FIS1: variants seen among roughly 807,000 people sequenced by gnomAD.
FIS1 encodes the protein fission, mitochondrial 1.
Under a neutral mutation model 21.6 loss-of-function variants are expected in FIS1, and 16 were observed. The observed-to-expected ratio is 0.74, with a 90% CI of 0.50 to 1.12. The LOEUF is 1.12. Among genes scored for constraint, FIS1 ranks in the 50% most tolerant of loss-of-function variants. The pLI is 0.00. For synonymous variants in FIS1, 92 were observed against 82.2 expected (o/e 1.12, Z -0.65); for missense variants, 198 against 190.9 (o/e 1.04, Z -0.22).
chr7:101,240,370 C>T (rs545123499), intron 3 of FIS1, 123 bp from the exon 4 acceptor site: 10 of 866,640 alleles, frequency 1.2e-5, no homozygotes, highest in Non-Finnish European at 1.6e-5. Flanking sequence ...GCAATCACAG[C>T]CCACTGCAAC....
chr7:101,242,550 G>A (rs1158957117), intron 2 of FIS1, among the ~76,000 whole-genome samples: 4 of 147,926 alleles, frequency 2.7e-5, no homozygotes, highest in African/African-American at 5.0e-5. Context: ...GTGCAATGGC[G>A]TGATCTTGGC....
rs937340262 is a variant in FIS1 at position 101,245,068 on chromosome 7, C to T, written c.-64G>A. On this transcript the variant is annotated 5_prime_UTR_variant, in exon 1 of 5. Coordinates refer to ENST00000223136, the MANE Select transcript of FIS1 (RefSeq NM_016068.3). ...TGCCACAGTCTCCATGGCCCAGTGG[C>T]AGGGGCGGAGAACCACTTCCGGCGT... 213 of 1,562,496 alleles carry T rather than the reference C, an allele frequency of 1.4e-4. No homozygotes were observed. Among genetic ancestry groups the T allele is most frequent in the Non-Finnish European group, 1.7e-4 (198 of 1,146,368 alleles).
At position 101,241,114 on chromosome 7, in the gene FIS1, G is replaced by T. The variant is rs572567105; in HGVS notation, c.179-208C>A. On this transcript the variant is annotated intron_variant, in intron 2 of 4. Transcript: ENST00000223136. ...ACCCCAGCTGTGCCAACACCCCAGT[G>T]ACAGAACATGCCTTTTATCAGTATT... 1.6e-3 allele frequency: 932 copies of T among 593,252 alleles called. 1 individual carries two copies. Among genetic ancestry groups the T allele is most frequent in the Middle Eastern group, 4.0e-3 (9 of 2,234 alleles). The allele number at this position is 593,252 out of a possible 1,614,324, so 36.7% of individuals were successfully genotyped here. A position where few individuals can be genotyped will look rare whatever the true frequency, so the allele number is the denominator to read the frequency against.
At chr7:101,244,885 G>C (rs1001709686) in intron 1 of FIS1, 75 bp downstream of exon 1, 2 of 1,576,426 alleles carry the variant, frequency 1.3e-6, no homozygotes, top group Admixed American at 1.7e-5. Context: ...CGGGAGGAGG[G>C]TTCGGCCCCT....
At chr7:101,241,535 A>T (rs1798748387) in intron 2 of FIS1, 2 of 122,944 alleles carry the variant, frequency 1.6e-5, no homozygotes, top group African/African-American at 7.6e-5. Flanking sequence ...TTATTGTTTA[A>T]AAAAAAAAAA....
At chr7:101,240,283 C>G (rs562553616) in intron 3 of FIS1, 36 bp from the exon 4 acceptor site, 21 of 1,596,202 alleles carry the variant, frequency 1.3e-5, no homozygotes, top group Non-Finnish European at 1.7e-5. Flanking sequence ...TCATACACAC[C>G]GCAGTGTTTT....
Position 101,244,949 on chromosome 7 carries a change from C to A in FIS1, c.45+11G>T, listed in dbSNP as rs377443950. ...GACCTTCCCTTTCCCTCTGTCCGGGCCAGGCCTCACCAGCAGGTCCTCCAC... is the reference window on the plus strand; with the variant it reads ...GACCTTCCCTTTCCCTCTGTCCGGGACAGGCCTCACCAGCAGGTCCTCCAC... On this transcript the variant is annotated intron_variant, in intron 1 of 4. Coordinates refer to ENST00000223136, the MANE Select transcript of FIS1 (RefSeq NM_016068.3). 1.3e-5 allele frequency: 21 copies of A among 1,614,070 alleles called. No individual in the cohort carries two copies. The highest frequency in any genetic ancestry group is 2.2e-5 in the South Asian group (2 of 91,084).
chr7:101,244,868 C>T, intron 1 of FIS1, 92 bp downstream of exon 1: 1 of 1,528,304 alleles, frequency 6.5e-7, no homozygotes, highest in Non-Finnish European at 9.0e-7. Context: ...CTCGGCCAAG[C>T]CGATGCCGGG....
Position 101,239,842 on chromosome 7 carries a change from T to G in FIS1, c.423A>C (p.Gly141=). 1 of 1,595,282 alleles carries G rather than the reference T, an allele frequency of 6.3e-7. No homozygotes were observed. Among genetic ancestry groups the G allele is most frequent in the Non-Finnish European group, 8.5e-7 (1 of 1,170,960 alleles). ...ACTTGGACACAGCAAGTCCGATGAGTCCGGCCAGTCCCGCCACACCCAGGG... is the reference window on the plus strand; with the variant it reads ...ACTTGGACACAGCAAGTCCGATGAGGCCGGCCAGTCCCGCCACACCCAGGG... ...GMALGVAGLA[G]LIGLAVSKSK... The change falls in exon 5 of 5, where the codon GGA becomes GGC. Residue 141 remains glycine, a synonymous_variant. Transcript: ENST00000223136.
intron 2 of FIS1, among the ~76,000 whole-genome samples, chr7:101,243,220 ATT>A (rs2116850835): frequency 6.6e-6 from 1 of 152,306 alleles, no homozygotes; most frequent in East Asian, 1.9e-4. Context: ...GTGGTTAAGT[ATT>A]GTGGCCTCTG....
chr7:101,241,233 T>G (rs1798742826), intron 2 of FIS1: 1 of 273,668 alleles, frequency 3.7e-6, no homozygotes, highest in Non-Finnish European at 7.0e-6. Flanking sequence ...GCTGTGGTAT[T>G]TTTTTTCAGA....
intron 2 of FIS1, among the ~76,000 whole-genome samples, chr7:101,242,731 C>T (rs547704049): frequency 1.3e-5 from 2 of 152,224 alleles, no homozygotes; most frequent in East Asian, 3.9e-4. Context: ...TCGTGATCCG[C>T]CTGCCCTGGC....
rs778687437 is a variant in FIS1 at position 101,240,837 on chromosome 7, C to G, written c.248G>C (p.Arg83Pro). 7 of 1,613,888 alleles carry G rather than the reference C, an allele frequency of 4.3e-6. No individual in the cohort carries two copies. In the South Asian group the frequency reaches 7.7e-5, roughly 18 times the overall value. The part of the protein sequence containing the change: ...YVFYLAVGNY[R>P]LKEYEKALKY... ...ACGGGGTCCCCACCTCACCTTGAGC[C>G]GGTAGTTCCCCACGGCCAGGTAGAA... The change falls in exon 3 of 5, where the codon CGG becomes CCG. Residue 83 changes from arginine (R) to proline (P), a missense_variant. Coordinates refer to ENST00000223136, the MANE Select transcript of FIS1 (RefSeq NM_016068.3).
intron 2 of FIS1, among the ~76,000 whole-genome samples, chr7:101,242,581 C>T (rs1158633074): frequency 6.6e-6 from 1 of 151,290 alleles, no homozygotes; most frequent in Non-Finnish European, 1.5e-5. Context: ...CTCTGTCTCC[C>T]GAGTTCAAGT....
intron 3 of FIS1, among the ~76,000 whole-genome samples, chr7:101,240,552 C>CCT (rs1798732223): frequency 6.6e-6 from 1 of 152,214 alleles, no homozygotes; most frequent in South Asian, 2.1e-4. Context: ...CCACCCACTC[C>CCT]CTCCCTCCAG....
chr7:101,239,671 G>A lies in FIS1; in HGVS notation c.*135C>T, dbSNP rs559449116. 4.3e-5 allele frequency: 33 copies of A among 768,044 alleles called. No individual in the cohort carries two copies. The highest frequency in any genetic ancestry group is 7.5e-5 in the Non-Finnish European group (33 of 439,434). The allele number at this position is 768,044 out of a possible 1,614,324, so 47.6% of individuals were successfully genotyped here. ...TCCCAAAGCACATGATGGGGCTGAA[G>A]GACGAATCTCAGGGGAGCAGAAATT... On this transcript the variant is annotated 3_prime_UTR_variant, in exon 5 of 5. Transcript: ENST00000223136.
At position 101,245,040 on chromosome 7, in the gene FIS1, C is replaced by G; in HGVS notation, c.-36G>C. 1 of 1,612,682 alleles carries G rather than the reference C, an allele frequency of 6.2e-7. No homozygotes were observed. The highest frequency in any genetic ancestry group is 8.5e-7 in the Non-Finnish European group (1 of 1,179,264). On this transcript the variant is annotated 5_prime_UTR_variant, in exon 1 of 5. Transcript: ENST00000223136. ...CCCGCGAGCCTCACACTACAGTCTACTGTGCCACAGTCTCCATGGCCCAGT... is the reference window on the plus strand; with the variant it reads ...CCCGCGAGCCTCACACTACAGTCTAGTGTGCCACAGTCTCCATGGCCCAGT...
rs1798724731 is a variant in FIS1, at chr7:101,240,251, C to T, written c.256-4G>A. ...ACTTTAAGGCCTTCTCGTATTCCTG[C>T]GCTCGGGGAAACGCGCACGCGTCAT... is the stretch of plus-strand genomic sequence containing the variant. On this transcript the variant is annotated splice_region_variant and splice_polypyrimidine_tract_variant and intron_variant, in intron 3 of 4. Transcript: ENST00000223136. 2 of 1,613,990 alleles carry T rather than the reference C, an allele frequency of 1.2e-6. No individual in the cohort carries two copies. Among genetic ancestry groups the T allele is most frequent in the Non-Finnish European group, 1.7e-6 (2 of 1,179,838 alleles).
rs1798798378 is a variant in FIS1 at position 101,244,998 on chromosome 7, C to T, written c.7G>A (p.Ala3Thr). 1.2e-6 allele frequency: 2 copies of T among 1,613,852 alleles called. No individual in the cohort carries two copies. The highest frequency in any genetic ancestry group is 2.2e-5 in the East Asian group (1 of 44,894). Residue 3 changes from alanine (A) to threonine (T), a missense_variant, in exon 1 of 5, where the codon GCC becomes ACC. Ala to Thr is a moderately conservative substitution (Grantham distance 58, BLOSUM62 0). Coordinates refer to ENST00000223136, the MANE Select transcript of FIS1 (RefSeq NM_016068.3). ME[A>T]VLNELVSVED... is the part of the protein sequence containing the mutation. ...ACAGACACCAGCTCGTTCAGCACGG[C>T]CTCCATGGCCACTGCCCCCGCGAGC...
Sources: allele counts gnomAD v4.1 joint callset (sites outside exome capture counted in the v4.1 genomes callset), GRCh38; gene constraint gnomAD v4.1.1; transcripts MANE v1.5; gene names NCBI Gene and HGNC (gene_info 2026-07-23, HGNC 2026-07-21).